The following PTPRM variants were observed in gnomAD, a reference collection of about 807,000 sequenced individuals.
PTPRM encodes the protein receptor-type tyrosine-protein phosphatase mu.
PTPRM carries 47 observed loss-of-function variants against 186.7 expected under a neutral mutation model. The ratio of observed to expected loss-of-function variants is 0.25; its 90% confidence interval spans 0.20 to 0.32. The LOEUF (loss-of-function observed/expected upper bound fraction) is 0.32. PTPRM is among the 10% of genes least tolerant of loss of function. The pLI is 1.00. For missense variants in PTPRM, 1,494 were observed against 1,865.0 expected, an observed-to-expected ratio of 0.80 and a Z score of 3.66; for synonymous variants, 668 against 674.9, an observed-to-expected ratio of 0.99 and a Z score of 0.16.
At chr18:8,096,263 A>G (rs1218092896) in intron 11 of PTPRM, among the ~76,000 whole-genome samples, 1 of 152,212 alleles carries the variant, frequency 6.6e-6, no homozygotes, top group Non-Finnish European at 1.5e-5. Context: ...GTTTTTTATC[A>G]TACTGCTTTG....
chr18:8,331,202 A>G (rs2095410677), intron 22 of PTPRM, among the ~76,000 whole-genome samples: 1 of 152,234 alleles, frequency 6.6e-6, no homozygotes, highest in Non-Finnish European at 1.5e-5. Context: ...TATCGCCCAA[A>G]AAGAATGAAA....
At chr18:7,806,129 A>T (rs999926353) in intron 2 of PTPRM, among the ~76,000 whole-genome samples, 3 of 152,112 alleles carry the variant, frequency 2.0e-5, no homozygotes, top group South Asian at 4.2e-4. Flanking sequence ...TCTGAACTGA[A>T]CCCACAGTGG....
chr18:7,590,212 CAA>C (rs2143617320), intron 1 of PTPRM, among the ~76,000 whole-genome samples: 1 of 152,276 alleles, frequency 6.6e-6, no homozygotes, highest in South Asian at 2.1e-4. Context: ...AATATTAAGT[CAA>C]GTTTCTCCTT....
At chr18:7,907,025 A>G (rs1023487261) in intron 4 of PTPRM, among the ~76,000 whole-genome samples, 1 of 152,168 alleles carries the variant, frequency 6.6e-6, no homozygotes, top group Non-Finnish European at 1.5e-5. Flanking sequence ...CTGTCAAATA[A>G]AAGACACCTA....
intron 7 of PTPRM, among the ~76,000 whole-genome samples, chr18:8,004,274 A>G (rs2084042685): frequency 6.6e-6 from 1 of 152,168 alleles, no homozygotes; most frequent in South Asian, 2.1e-4. Context: ...AGGGATCCAT[A>G]GAATCACTGT....
intron 2 of PTPRM, among the ~76,000 whole-genome samples, chr18:7,822,402 C>T (rs1380347371): frequency 6.6e-6 from 1 of 152,222 alleles, no homozygotes; most frequent in African/African-American, 2.4e-5. Context: ...AGAACTCATT[C>T]ATTTGCATTT....
chr18:7,633,756 C>T (rs977053724), intron 1 of PTPRM, among the ~76,000 whole-genome samples: 3 of 152,190 alleles, frequency 2.0e-5, no homozygotes, highest in Non-Finnish European at 4.4e-5. Flanking sequence ...GGTTCTCAAG[C>T]TGAGAAACTT....
chr18:7,920,311 C>T (rs778972328), intron 4 of PTPRM, among the ~76,000 whole-genome samples: 5 of 151,924 alleles, frequency 3.3e-5, no homozygotes, highest in South Asian at 2.1e-4. Flanking sequence ...TCTCTGGTCA[C>T]GTGTTTTAAT....
intron 11 of PTPRM, among the ~76,000 whole-genome samples, chr18:8,109,749 T>A (rs1456806526): frequency 2.0e-5 from 3 of 152,108 alleles, no homozygotes; most frequent in East Asian, 1.9e-4. Flanking sequence ...CTCAAAAAAA[T>A]TTGTTGAAAT....
chr18:8,236,615 C>T (rs112146283), intron 14 of PTPRM, among the ~76,000 whole-genome samples: 8 of 152,072 alleles, frequency 5.3e-5, no homozygotes, highest in African/African-American at 1.4e-4. Context: ...AATCTTGGTT[C>T]GCTGCAACCT....
At chr18:8,140,763 G>A (rs924085529) in intron 13 of PTPRM, among the ~76,000 whole-genome samples, 7 of 152,214 alleles carry the variant, frequency 4.6e-5, no homozygotes, top group African/African-American at 1.7e-4. Context: ...GCACACTGCT[G>A]TCCTAACAGA....
chr18:8,050,078 T>C (rs1174986041), intron 7 of PTPRM, among the ~76,000 whole-genome samples: 1 of 152,272 alleles, frequency 6.6e-6, no homozygotes, highest in East Asian at 1.9e-4. Flanking sequence ...GAACCAAGAC[T>C]GAAAGGAACT....
At chr18:8,392,584 G>A (rs1426459020) in intron 31 of PTPRM, among the ~76,000 whole-genome samples, 4 of 151,580 alleles carry the variant, frequency 2.6e-5, no homozygotes, top group African/African-American at 7.3e-5. Flanking sequence ...CCAAGATCGC[G>A]CCACTGCACT....
rs1357908007 is a variant in PTPRM at position 8,394,499 on chromosome 18, C to T, written c.4232C>T (p.Thr1411Met). 5.6e-6 allele frequency: 9 copies of T among 1,612,694 alleles called. No homozygotes were observed. Among genetic ancestry groups the T allele is most frequent in the Admixed American group, 3.3e-5 (2 of 59,814 alleles). Residue 1411 changes from threonine to methionine, a missense_variant, in exon 32 of 33, where the codon ACG becomes ATG. Thr to Met is a moderately conservative substitution (Grantham distance 81). Around this residue, in one of 3 missense-constraint regions of PTPRM, gnomAD observed 1,107 missense variants for 1,350.2 expected, o/e 0.82. Coordinates refer to ENST00000580170, the MANE Select transcript of PTPRM (RefSeq NM_001105244.2). Reference sequence around the variant, plus strand: ...AGGAACGGGGGAGGCCGCAGTGGGACGTTCTGCGCCATCAGCATCGTATGT... The same window carrying T: ...AGGAACGGGGGAGGCCGCAGTGGGATGTTCTGCGCCATCAGCATCGTATGT... ...HCLNGGGRSG[T>M]FCAISIVCEM...
At chr18:8,159,942 C>T (rs932147227) in intron 14 of PTPRM, among the ~76,000 whole-genome samples, 2 of 151,858 alleles carry the variant, frequency 1.3e-5, no homozygotes, top group African/African-American at 4.8e-5. Context: ...TTATAATGGA[C>T]AGACTCCCTA....
At chr18:8,148,758 G>A (rs757139021) in intron 14 of PTPRM, among the ~76,000 whole-genome samples, 6 of 151,958 alleles carry the variant, frequency 3.9e-5, no homozygotes, top group Non-Finnish European at 5.9e-5. Flanking sequence ...ATCAACTTTC[G>A]ATCTTTCCTG....
chr18:8,349,841 A>C (rs1166156592), intron 23 of PTPRM, among the ~76,000 whole-genome samples: 1 of 152,222 alleles, frequency 6.6e-6, no homozygotes, highest in East Asian at 1.9e-4. Flanking sequence ...GCAGCTTGGG[A>C]ATTCACAGTC....
rs1398299189 is a variant in PTPRM at position 8,071,142 on chromosome 18, G to A, written c.1441+1148G>A. ...AGCAGTTGTTTGAGAGGGAGTCTAA[G>A]TTTGATGGAAGCCACTCAGGCAAGG... On this transcript the variant is annotated intron_variant, in intron 8 of 32. Transcript: ENST00000580170. Among the ~76,000 whole-genome samples, 3 of 152,066 alleles carry A rather than the reference G, an allele frequency of 2.0e-5. 1 individual carries two copies. Among genetic ancestry groups the A allele is most frequent in the Admixed American group, 2.0e-4 (3 of 15,278 alleles).
chr18:8,034,503 G>A (rs2086200936), intron 7 of PTPRM, among the ~76,000 whole-genome samples: 1 of 152,106 alleles, frequency 6.6e-6, no homozygotes, highest in South Asian at 2.1e-4. Flanking sequence ...ACAGTGATGG[G>A]ACAAGCATAG....
Sources: gnomAD v4.1 joint callset for allele counts (sites outside exome capture counted in the v4.1 genomes callset) on GRCh38, gnomAD v4.1.1 for gene constraint, gnomAD v4.1.1 regional missense constraint, MANE v1.5 for transcripts, NCBI Gene and HGNC (gene_info 2026-07-23, HGNC 2026-07-21) for gene names.